Variants in SDK1 observed in about 807,000 individuals in gnomAD.
The protein encoded by SDK1 is sidekick cell adhesion molecule 1.
A neutral mutation model predicts 245.5 loss-of-function variants in SDK1; 157 were observed. That is an observed-to-expected ratio of 0.64 (90% CI 0.56 to 0.73). The LOEUF is 0.73. Among genes scored for constraint, SDK1 ranks in the 30% least tolerant of loss-of-function variants. The probability of loss-of-function intolerance (pLI) is 0.00; values close to 1 mark genes in which losing one functional copy is unlikely to be tolerated. For synonymous variants in SDK1, 1,647 were observed against 1,278.5 expected (o/e 1.29, Z -6.15); for missense variants, 3,583 against 3,002.3 (o/e 1.19, Z -4.52).
chr7:4,111,431 G>T (rs1783337307), intron 23 of SDK1, among the ~76,000 whole-genome samples: 1 of 151,936 alleles, frequency 6.6e-6, no homozygotes, highest in South Asian at 2.1e-4. Context: ...TACGATTGGA[G>T]AATGAAAGAA....
At chr7:3,815,953 G>A (rs1393874070) in intron 4 of SDK1, among the ~76,000 whole-genome samples, 10 of 143,044 alleles carry the variant, frequency 7.0e-5, no homozygotes, top group Non-Finnish European at 1.1e-4. Flanking sequence ...ACTCAAAGCC[G>A]CTCAACTACA....
intron 1 of SDK1, among the ~76,000 whole-genome samples, chr7:3,324,920 C>A (rs147978787): frequency 6.6e-6 from 1 of 152,190 alleles, no homozygotes; most frequent in East Asian, 1.9e-4. Context: ...GTAAACTTTC[C>A]ATGCTGAACT....
At chr7:4,238,055 A>G (rs1389278776) in intron 42 of SDK1, among the ~76,000 whole-genome samples, 2 of 150,684 alleles carry the variant, frequency 1.3e-5, no homozygotes, top group Non-Finnish European at 2.9e-5. Flanking sequence ...AGCCTCAGAG[A>G]TCCCCACTCT....
intron 22 of SDK1, among the ~76,000 whole-genome samples, chr7:4,106,687 C>T (rs1360688694): frequency 6.6e-6 from 1 of 152,190 alleles, no homozygotes. Context: ...ATGAGCCTGG[C>T]TGCCTCTTGC....
chr7:4,080,494 C>G (rs1324897948), intron 22 of SDK1, among the ~76,000 whole-genome samples: 1 of 152,116 alleles, frequency 6.6e-6, no homozygotes, highest in Non-Finnish European at 1.5e-5. Context: ...GCAAGACGAT[C>G]CACTCCTGGA....
intron 17 of SDK1, among the ~76,000 whole-genome samples, chr7:4,044,643 C>G (rs1448346206): frequency 6.6e-6 from 1 of 151,992 alleles, no homozygotes; most frequent in African/African-American, 2.4e-5. Flanking sequence ...GATTATCTCA[C>G]CCTGTTGCCC....
chr7:3,663,931 A>G (rs1783444193), intron 4 of SDK1, among the ~76,000 whole-genome samples: 1 of 152,240 alleles, frequency 6.6e-6, no homozygotes. Context: ...CTGTAGGAAG[A>G]AGTTGATACA....
At chr7:3,862,470 T>C (rs75525694) in intron 5 of SDK1, among the ~76,000 whole-genome samples, 8,026 of 152,228 alleles carry the variant, frequency 0.053, 677 homozygotes, top group African/African-American at 0.18. Flanking sequence ...TGTTAATGCA[T>C]AACATAACTA....
chr7:3,349,200 A>G (rs1780590565), intron 1 of SDK1, among the ~76,000 whole-genome samples: 1 of 151,670 alleles, frequency 6.6e-6, no homozygotes, highest in Non-Finnish European at 1.5e-5. Context: ...AAAAAAAACA[A>G]CAAAAAAAAC....
At chr7:3,535,519 TTAG>T (rs1255852525) in intron 1 of SDK1, among the ~76,000 whole-genome samples, 1 of 152,222 alleles carries the variant, frequency 6.6e-6, no homozygotes, top group East Asian at 1.9e-4. Context: ...ATACTATTCT[TTAG>T]TAGTGTGACC....
chr7:3,342,977 G>A (rs374008271), intron 1 of SDK1, among the ~76,000 whole-genome samples: 19 of 147,838 alleles, frequency 1.3e-4, no homozygotes, highest in Admixed American at 5.5e-4. Context: ...TAAAGCCATA[G>A]GGAGAAAACT....
At chr7:3,759,777 G>C (rs1484774112) in intron 4 of SDK1, among the ~76,000 whole-genome samples, 1 of 152,010 alleles carries the variant, frequency 6.6e-6, no homozygotes, top group East Asian at 1.9e-4. Flanking sequence ...ATTTTTAGCA[G>C]AGACGGGGTT....
intron 4 of SDK1, among the ~76,000 whole-genome samples, chr7:3,670,046 A>G (rs1583290854): frequency 6.6e-6 from 1 of 152,122 alleles, no homozygotes; most frequent in East Asian, 1.9e-4. Flanking sequence ...TATCCCACAA[A>G]TCTACTCACA....
chr7:4,101,079 C>T (rs777539217), intron 22 of SDK1, among the ~76,000 whole-genome samples: 2 of 152,140 alleles, frequency 1.3e-5, no homozygotes, highest in African/African-American at 2.4e-5. Flanking sequence ...CTTGCCTGGG[C>T]CCCGAAAACC....
At chr7:3,764,440 CTT>C (rs1780193486) in intron 4 of SDK1, among the ~76,000 whole-genome samples, 1 of 152,188 alleles carries the variant, frequency 6.6e-6, no homozygotes, top group Admixed American at 6.5e-5. Context: ...AATCCCAACA[CTT>C]TGGGAGGCCG....
rs909777634 is a variant in SDK1 at position 3,610,107 on chromosome 7, A to G, written c.299-8973A>G. Among the ~76,000 whole-genome samples, 6 of 152,220 alleles carry G rather than the reference A, an allele frequency of 3.9e-5. No homozygotes were observed. The East Asian group carries it at 7.7e-4, about 20-fold the overall frequency. On this transcript the variant is annotated intron_variant, in intron 1 of 44. Coordinates refer to ENST00000404826, the MANE Select transcript of SDK1 (RefSeq NM_152744.4). Reference sequence around the variant, plus strand: ...ATGGTTTGTAACTTTGCTAAAATCAATAAGCTTTGGTTGGACTTAGATGTC... The same window carrying G: ...ATGGTTTGTAACTTTGCTAAAATCAGTAAGCTTTGGTTGGACTTAGATGTC...
chr7:3,832,308 A>G (rs1418975914), intron 5 of SDK1, among the ~76,000 whole-genome samples: 1 of 152,214 alleles, frequency 6.6e-6, no homozygotes, highest in African/African-American at 2.4e-5. Context: ...TTTTAAAATC[A>G]TGTTGTAATT....
intron 44 of SDK1, among the ~76,000 whole-genome samples, chr7:4,253,464 C>A (rs991316097): frequency 3.3e-5 from 5 of 152,050 alleles, no homozygotes; most frequent in African/African-American, 1.2e-4. Flanking sequence ...TTATTTATTT[C>A]TAATTATATC....
chr7:3,631,490 C>G (rs776548662), intron 2 of SDK1, among the ~76,000 whole-genome samples: 2 of 152,160 alleles, frequency 1.3e-5, no homozygotes, highest in Non-Finnish European at 2.9e-5. Flanking sequence ...CCTCTTTGCT[C>G]CTGTCCTCTA....
Sources: allele counts gnomAD v4.1 joint callset (sites outside exome capture counted in the v4.1 genomes callset), GRCh38; gene constraint gnomAD v4.1.1; transcripts MANE v1.5; gene names NCBI Gene and HGNC (gene_info 2026-07-23, HGNC 2026-07-21).